ADAMTS20: variants seen among roughly 807,000 people sequenced by gnomAD.
ADAMTS20 encodes ADAM metallopeptidase with thrombospondin type 1 motif 20.
ADAMTS20 carries 225 observed loss-of-function variants against 260.1 expected under a neutral mutation model. The ratio of observed to expected loss-of-function variants is 0.87; its 90% CI spans 0.78 to 0.97. The LOEUF is 0.97. Ranked by LOEUF, ADAMTS20 falls within the 50% of genes least tolerant of loss-of-function variation. The probability of loss-of-function intolerance (pLI) is 0.00; values close to 1 mark genes in which losing one functional copy is unlikely to be tolerated. For missense variants in ADAMTS20, 2,400 were observed against 2,337.7 expected (o/e 1.03, Z -0.55); for synonymous variants, 802 against 769.5 (o/e 1.04, Z -0.70).
chr12:43,389,689 G>T (rs376022295), intron 29 of ADAMTS20, among the ~76,000 whole-genome samples: 1 of 151,548 alleles, frequency 6.6e-6, no homozygotes, highest in Non-Finnish European at 1.5e-5. Context: ...ATTCAGCCAG[G>T]TTTTTTTTGT....
chr12:43,504,610 A>G (rs1942815788), intron 3 of ADAMTS20, among the ~76,000 whole-genome samples: 1 of 152,206 alleles, frequency 6.6e-6, no homozygotes, highest in Admixed American at 6.5e-5. Context: ...CAATCAAGGA[A>G]AAGATAAATA....
intron 2 of ADAMTS20, among the ~76,000 whole-genome samples, chr12:43,534,436 T>C (rs946311555): frequency 2.0e-5 from 3 of 152,212 alleles, no homozygotes; most frequent in African/African-American, 7.2e-5. Flanking sequence ...AACAATGTAT[T>C]TGCCCTTTAA....
In ADAMTS20 at chr12:43,479,005, T is replaced by A. The variant is rs1461192993; in HGVS notation, c.1118-10300A>T. Among the ~76,000 whole-genome samples the A allele has an allele frequency of 5.9e-5, 9 of 152,270 alleles. No homozygotes were observed. The East Asian group carries it at 1.4e-3, about 23-fold the overall frequency. On this transcript the variant is annotated intron_variant, in intron 7 of 38. Transcript: ENST00000389420. Reference sequence around the variant, plus strand: ...GGAGTCTGGCACAAACTCAGGGTAGTTAAGTATCAGAAATGAACTGAATTG... The same window carrying A: ...GGAGTCTGGCACAAACTCAGGGTAGATAAGTATCAGAAATGAACTGAATTG...
chr12:43,514,455 G>A (rs1324704654), intron 3 of ADAMTS20, among the ~76,000 whole-genome samples: 3 of 150,274 alleles, frequency 2.0e-5, no homozygotes, highest in East Asian at 2.0e-4. Context: ...CCAGTTACTC[G>A]GGAGGCTGAG....
chr12:43,488,877 C>A (rs906020358), intron 7 of ADAMTS20, among the ~76,000 whole-genome samples: 4 of 152,020 alleles, frequency 2.6e-5, no homozygotes, highest in African/African-American at 7.2e-5. Context: ...CTCTTTAGTG[C>A]AACTTTTCTA....
rs764540981 is a variant in ADAMTS20 at position 43,532,187 on chromosome 12, T to G, written c.462A>C (p.Thr154=). 6 of 1,593,080 alleles carry G rather than the reference T, an allele frequency of 3.8e-6. No homozygotes were observed. In the Admixed American group the frequency reaches 1.1e-4, roughly 29 times the overall value. The change falls in exon 3 of 39, where the codon ACA becomes ACC. Residue 154 remains threonine, a synonymous_variant. Coordinates refer to ENST00000389420, the MANE Select transcript of ADAMTS20 (RefSeq NM_025003.5). ...VVSLCGGLTG[T]FKGQNGEYFL... ...AATATTCACCGTTCTGTCCTTTAAATGTTCCCGTCTGAAAATAAAGGAAAC... is the reference window on the plus strand; with the variant it reads ...AATATTCACCGTTCTGTCCTTTAAAGGTTCCCGTCTGAAAATAAAGGAAAC...
intron 29 of ADAMTS20, among the ~76,000 whole-genome samples, chr12:43,388,984 T>A (rs1347794710): frequency 6.6e-6 from 1 of 152,126 alleles, no homozygotes; most frequent in Non-Finnish European, 1.5e-5. Flanking sequence ...AGGCCCCACC[T>A]CCTAATACCA....
At chr12:43,421,853 CA>C (rs1941243805) in intron 28 of ADAMTS20, among the ~76,000 whole-genome samples, 3 of 151,664 alleles carry the variant, frequency 2.0e-5, no homozygotes, top group African/African-American at 7.3e-5. Context: ...ATTATGAAAA[CA>C]TATACTATTC....
At chr12:43,413,673 T>G (rs984720902) in intron 28 of ADAMTS20, among the ~76,000 whole-genome samples, 1 of 152,202 alleles carries the variant, frequency 6.6e-6, no homozygotes, top group East Asian at 1.9e-4. Flanking sequence ...AAACTATTTT[T>G]TCCTGCAAAT....
At chr12:43,462,355 G>A (rs1453982841) in intron 11 of ADAMTS20, among the ~76,000 whole-genome samples, 2 of 152,174 alleles carry the variant, frequency 1.3e-5, no homozygotes, top group African/African-American at 4.8e-5. Flanking sequence ...ATCATGGTGA[G>A]CGTTATTCAA....
Position 43,551,014 on chromosome 12 carries a change from G to A in ADAMTS20, c.348C>T (p.Ala116=), listed in dbSNP as rs758257586. The change falls in exon 2 of 39, where the codon GCC becomes GCT. Residue 116 remains alanine (A), a synonymous_variant. Coordinates refer to ENST00000389420, the MANE Select transcript of ADAMTS20 (RefSeq NM_025003.5). This position sits in a 1 kb window ranked among gnomAD's most constrained non-coding sequence, Gnocchi z 4.6. ...EVHLGTPERG[A]WESDAGPSDL... is the part of the protein sequence containing the mutation. ...CCGAGGGCCCTGCGTCGCTCTCCCA[G>A]GCCCCGCGCTCCGGGGTTCCCAAGT... 3.2e-5 allele frequency: 52 copies of A among 1,613,602 alleles called. No homozygotes were observed. The highest frequency in any genetic ancestry group is 4.2e-5 in the Non-Finnish European group (50 of 1,179,774).
chr12:43,532,620 T>C (rs369996151), intron 2 of ADAMTS20, among the ~76,000 whole-genome samples: 19 of 125,256 alleles, frequency 1.5e-4, no homozygotes, highest in East Asian at 1.2e-3. Flanking sequence ...TAGTTACATA[T>C]GTATACATGT....
intron 37 of ADAMTS20, among the ~76,000 whole-genome samples, chr12:43,362,986 C>T (rs926587080): frequency 3.9e-5 from 6 of 151,954 alleles, no homozygotes; most frequent in Admixed American, 6.6e-5. Context: ...TGACCCATTT[C>T]GGATTTCTGA....
chr12:43,428,498 G>A lies in ADAMTS20; in HGVS notation c.3688C>T (p.Arg1230Ter), dbSNP rs267603464. ...SASCGHGKTT[R>*]QVLCMNYHQP... ...TGGTAGTTCATGCATAAAACTTGTC[G>A]AGTTGTTTTTCCATGGCCACAGGAA... The change falls in exon 26 of 39, where the codon CGA becomes TGA. Residue 1230 changes from arginine to a stop codon, truncating the protein, a stop_gained. Coordinates refer to ENST00000389420, the MANE Select transcript of ADAMTS20 (RefSeq NM_025003.5). LOFTEE classifies it high-confidence loss of function. 5 of 1,613,652 alleles carry A rather than the reference G, an allele frequency of 3.1e-6. No individual in the cohort carries two copies. Among genetic ancestry groups the A allele is most frequent in the Admixed American group, 1.7e-5 (1 of 59,954 alleles).
chr12:43,523,914 G>A lies in ADAMTS20; in HGVS notation c.613+8122C>T, dbSNP rs191156708. Among the ~76,000 whole-genome samples the A allele has an allele frequency of 4.1e-3, 623 of 151,666 alleles. 3 individuals are homozygous for A. The highest frequency in any genetic ancestry group is 7.4e-3 in the Non-Finnish European group (505 of 67,910). On this transcript the variant is annotated intron_variant, in intron 3 of 38. Coordinates refer to ENST00000389420, the MANE Select transcript of ADAMTS20 (RefSeq NM_025003.5). ...CTTAACACAAAGGACAGACACTTTG[G>A]GGGAGCTTTATGGCCCCATACATCA...
chr12:43,507,036 C>T (rs1942854182), intron 3 of ADAMTS20, among the ~76,000 whole-genome samples: 1 of 151,994 alleles, frequency 6.6e-6, no homozygotes, highest in African/African-American at 2.4e-5. Flanking sequence ...GAATGTACAG[C>T]ATAGTGACTA....
chr12:43,518,931 C>T (rs1321596397), intron 3 of ADAMTS20, among the ~76,000 whole-genome samples: 4 of 152,068 alleles, frequency 2.6e-5, no homozygotes, highest in Non-Finnish European at 5.9e-5. Flanking sequence ...ACACCTCTCG[C>T]TTTCTTCATA....
At chr12:43,376,738 A>G (rs1940238605) in intron 32 of ADAMTS20, 85 bp from the exon 33 acceptor site, 1 of 1,478,600 alleles carries the variant, frequency 6.8e-7, no homozygotes, top group South Asian at 1.4e-5. Context: ...TAGACCAGGT[A>G]TTTCTGGAGC....
intron 3 of ADAMTS20, among the ~76,000 whole-genome samples, chr12:43,514,692 G>A (rs970977427): frequency 6.6e-6 from 1 of 150,516 alleles, no homozygotes; most frequent in Non-Finnish European, 1.5e-5. Flanking sequence ...AGATTTAGAT[G>A]GATTATTATA....
Sources: allele counts gnomAD v4.1 joint callset (sites outside exome capture counted in the v4.1 genomes callset), GRCh38; gene constraint gnomAD v4.1.1; non-coding constraint Gnocchi (gnomAD v3.1); transcripts MANE v1.5; gene names NCBI Gene and HGNC (gene_info 2026-07-23, HGNC 2026-07-21).